The following ANO4 variants were observed in gnomAD, a reference collection of about 807,000 sequenced individuals.
ANO4 encodes anoctamin 4.
A neutral mutation model predicts 141.9 loss-of-function variants in ANO4; 69 were observed. That is an observed-to-expected ratio of 0.49 (90% CI 0.40 to 0.59). The LOEUF is 0.59. Ranked by LOEUF, ANO4 falls within the 20% of genes least tolerant of loss-of-function variation. ANO4 has a pLI of 0.00. For missense variants in ANO4, 894 were observed against 1,162.2 expected (o/e 0.77, Z 3.36); for synonymous variants, 350 against 394.3 (o/e 0.89, Z 1.33).
chr12:100,905,074 G>T lies in ANO4; in HGVS notation c.55+3234G>T, dbSNP rs547657334. 2.0e-5 allele frequency among the ~76,000 whole-genome samples: 3 copies of T among 152,256 alleles called. No individual in the cohort carries two copies. The South Asian group carries it at 6.2e-4, about 32-fold the overall frequency. On this transcript the variant is annotated intron_variant, in intron 2 of 27. Coordinates refer to ENST00000392977, the MANE Select transcript of ANO4 (RefSeq NM_001286615.2). ...AGAAGGCTGCAAGAGAAGCAGATTT[G>T]GTGGGTTTGAGGGCAAAGGTGGGGC...
intron 10 of ANO4, among the ~76,000 whole-genome samples, chr12:101,039,686 T>C (rs2047341020): frequency 1.3e-5 from 2 of 152,198 alleles, no homozygotes; most frequent in African/African-American, 4.8e-5. Flanking sequence ...TTGCCCAGGA[T>C]CTTCTAGCTG....
At chr12:100,770,105 C>T (rs371366807) in intron 3 of ANO4, among the ~76,000 whole-genome samples, 6 of 152,200 alleles carry the variant, frequency 3.9e-5, no homozygotes, top group East Asian at 3.9e-4. Context: ...TATGTAACAC[C>T]GTGTTTTCCC....
intron 3 of ANO4, among the ~76,000 whole-genome samples, chr12:100,748,858 T>A (rs1426222614): frequency 6.6e-6 from 1 of 152,196 alleles, no homozygotes; most frequent in Non-Finnish European, 1.5e-5. Context: ...ATTTCCCTTT[T>A]GTCAAAATAG....
At chr12:100,864,733 C>T (rs1442822013) in intron 1 of ANO4, among the ~76,000 whole-genome samples, 6 of 152,162 alleles carry the variant, frequency 3.9e-5, no homozygotes, top group African/African-American at 1.2e-4. Context: ...ATGTGCAGAA[C>T]GTGCAGGTTT....
At chr12:100,752,631 T>C (rs562946490) in intron 3 of ANO4, among the ~76,000 whole-genome samples, 11 of 152,250 alleles carry the variant, frequency 7.2e-5, no homozygotes, top group African/African-American at 2.6e-4. Flanking sequence ...TGAGGTCTGT[T>C]GTACAAGGAA....
chr12:101,068,158 G>T, intron 14 of ANO4: 4 of 922,700 alleles, frequency 4.3e-6, no homozygotes, highest in Non-Finnish European at 5.9e-6. Context: ...AAAAACAGGA[G>T]TTGACTTTTA....
At chr12:100,842,877 G>C (rs907336605) in intron 1 of ANO4, among the ~76,000 whole-genome samples, 12 of 152,196 alleles carry the variant, frequency 7.9e-5, no homozygotes, top group African/African-American at 2.9e-4. Flanking sequence ...GTTGCACGGA[G>C]GATTAAGTTT....
chr12:100,966,902 C>CACATACAT (rs1361817262), intron 5 of ANO4, among the ~76,000 whole-genome samples: 1 of 150,214 alleles, frequency 6.7e-6, no homozygotes, highest in Admixed American at 6.7e-5. Context: ...CACACACACA[C>CACATACAT]ACATACATAT....
At chr12:100,799,225 A>G (rs2034533297) in intron 1 of ANO4, among the ~76,000 whole-genome samples, 2 of 152,132 alleles carry the variant, frequency 1.3e-5, no homozygotes, top group Non-Finnish European at 1.5e-5. Flanking sequence ...TTGCTACTAG[A>G]TGAACGATTA....
chr12:101,064,715 T>C (rs945723340), intron 14 of ANO4, among the ~76,000 whole-genome samples: 7 of 151,590 alleles, frequency 4.6e-5, no homozygotes, highest in African/African-American at 1.7e-4. Context: ...GTAGTTCCCC[T>C]TTTTCCACAG....
chr12:101,108,451 G>A lies in ANO4; in HGVS notation c.2150-1953G>A, dbSNP rs552884662. 1.6e-4 allele frequency among the ~76,000 whole-genome samples: 24 copies of A among 152,160 alleles called. No individual in the cohort carries two copies. The East Asian group carries it at 3.9e-3, about 24-fold the overall frequency. On this transcript the variant is annotated intron_variant, in intron 22 of 27. Coordinates refer to ENST00000392977, the MANE Select transcript of ANO4 (RefSeq NM_001286615.2). Reference sequence around the variant, plus strand: ...GGCAAGTTACCTGACCTCTTTGTGCGTCGGTTTCCTTACCTGTAAAATGAG... The same window carrying A: ...GGCAAGTTACCTGACCTCTTTGTGCATCGGTTTCCTTACCTGTAAAATGAG...
chr12:101,036,792 G>A (rs1158825242), intron 9 of ANO4, among the ~76,000 whole-genome samples: 1 of 152,222 alleles, frequency 6.6e-6, no homozygotes, highest in Non-Finnish European at 1.5e-5. Flanking sequence ...GGAGATAGAT[G>A]TGTTAATTAA....
chr12:100,785,957 A>G (rs577210839), intron 3 of ANO4, among the ~76,000 whole-genome samples: 3 of 152,222 alleles, frequency 2.0e-5, no homozygotes, highest in South Asian at 4.2e-4. Context: ...TGGATGGCCT[A>G]GTTTTATTTT....
At position 101,128,009 on chromosome 12, in the gene ANO4, C is replaced by T. The variant is rs1308863676; in HGVS notation, c.*153C>T. The T allele has an allele frequency of 1.3e-5, 2 of 152,672 alleles. No homozygotes were observed. Among genetic ancestry groups the T allele is most frequent in the African/African-American group, 4.8e-5 (2 of 41,460 alleles). The allele number at this position is 152,672 out of a possible 1,614,324, so 9.5% of individuals were successfully genotyped here. A position where few individuals can be genotyped will look rare whatever the true frequency, so the allele number is the denominator to read the frequency against. On this transcript the variant is annotated 3_prime_UTR_variant, in exon 28 of 28. Coordinates refer to ENST00000392977, the MANE Select transcript of ANO4 (RefSeq NM_001286615.2). ...AGGAGGGGCAGCATCCAGTAGAGGA[C>T]TGGCGTTGGAGTCACACTGCTGTGA...
At position 100,975,931 on chromosome 12, in the gene ANO4, C is replaced by CAA. The variant is rs1206913605; in HGVS notation, c.602+1054_602+1055dup. On this transcript the variant is annotated intron_variant, in intron 7 of 27. Coordinates refer to ENST00000392977, the MANE Select transcript of ANO4 (RefSeq NM_001286615.2). ...GTGCCCTTCCTACCCTCTTTTCTGC[C>CAA]AAAAAAAAAAAAAGAAAAAAAAAAC... is the stretch of plus-strand genomic sequence containing the variant. 7.9e-5 allele frequency among the ~76,000 whole-genome samples: 2 copies of CAA among 25,226 alleles called. 1 individual carries two copies. The allele number at this position is 25,226 out of a possible 152,430, so 16.5% of individuals were successfully genotyped here. A position where few individuals can be genotyped will look rare whatever the true frequency, so the allele number is the denominator to read the frequency against.
chr12:101,053,844 A>G (rs2047979783), intron 14 of ANO4, among the ~76,000 whole-genome samples: 1 of 152,218 alleles, frequency 6.6e-6, no homozygotes, highest in Non-Finnish European at 1.5e-5. Context: ...ATCACAGACC[A>G]CTTGAGCTAC....
intron 9 of ANO4, among the ~76,000 whole-genome samples, chr12:101,028,029 A>C (rs1057486382): frequency 6.6e-6 from 1 of 151,988 alleles, no homozygotes; most frequent in African/African-American, 2.4e-5. Context: ...GCGGGAGCGA[A>C]CCAGATAAAT....
At chr12:101,061,157 A>G (rs1408381034) in intron 14 of ANO4, among the ~76,000 whole-genome samples, 2 of 152,182 alleles carry the variant, frequency 1.3e-5, no homozygotes, top group African/African-American at 4.8e-5. Context: ...TTGGCTGGAT[A>G]TGAAATTCAG....
chr12:100,769,652 G>C (rs1304046488), intron 3 of ANO4, among the ~76,000 whole-genome samples: 1 of 152,206 alleles, frequency 6.6e-6, no homozygotes, highest in African/African-American at 2.4e-5. Flanking sequence ...AAATAATTAA[G>C]TCAGTTCTTT....
Sources: allele counts gnomAD v4.1 joint callset (sites outside exome capture counted in the v4.1 genomes callset), GRCh38; gene constraint gnomAD v4.1.1; transcripts MANE v1.5; gene names NCBI Gene and HGNC (gene_info 2026-07-23, HGNC 2026-07-21).